The following AFF2 variants were observed in gnomAD, a reference collection of about 807,000 sequenced individuals.
AFF2 encodes AF4/FMR2 family member 2.
Under a neutral mutation model 76.9 loss-of-function variants are expected in AFF2, and 14 were observed. The ratio of observed to expected loss-of-function variants is 0.18; its 90% CI spans 0.12 to 0.28. The LOEUF is 0.28. Ranked by LOEUF, AFF2 falls within the 10% of genes least tolerant of loss-of-function variation. The pLI, the probability that AFF2 is intolerant of heterozygous loss-of-function variation, is 1.00. For missense variants in AFF2, 868 were observed against 1,001.1 expected, an observed-to-expected ratio of 0.87 and a Z score of 1.79; for synonymous variants, 398 against 366.7, an observed-to-expected ratio of 1.09 and a Z score of -0.98.
chrX:148,895,338 CACAG>C (rs2071271006), intron 8 of AFF2, among the ~76,000 whole-genome samples: 1 of 111,663 alleles, frequency 9.0e-6, no homozygotes, highest in Non-Finnish European at 1.9e-5. Flanking sequence ...ATTAAATTCA[CACAG>C]ACAATGAGGG....
At chrX:148,876,246 A>G (rs1039993506) in intron 7 of AFF2, among the ~76,000 whole-genome samples, 14 of 111,955 alleles carry the variant, frequency 1.3e-4, no homozygotes, top group African/African-American at 3.6e-4. Flanking sequence ...TAGCAATTCT[A>G]TAAGACACTC....
chrX:148,773,687 A>AAAGT (rs2069622219), intron 3 of AFF2, among the ~76,000 whole-genome samples: 1 of 55,695 alleles, frequency 1.8e-5, no homozygotes, highest in Non-Finnish European at 3.3e-5. Context: ...GGAAGGAAGG[A>AAAGT]AAGAAAGAAA....
At chrX:148,647,460 C>T (rs919914907) in intron 1 of AFF2, among the ~76,000 whole-genome samples, 1 of 111,837 alleles carries the variant, frequency 8.9e-6, no homozygotes, top group African/African-American at 3.3e-5. Context: ...TACTCTCCCT[C>T]GCCCAGCCTC....
intron 19 of AFF2, among the ~76,000 whole-genome samples, chrX:148,982,914 C>G (rs2072412761): frequency 8.9e-6 from 1 of 112,001 alleles, no homozygotes; most frequent in South Asian, 3.7e-4. Flanking sequence ...CAAATTTTCA[C>G]AAAATTTTTA....
chrX:148,924,645 G>C (rs1487966109), intron 9 of AFF2, among the ~76,000 whole-genome samples: 1 of 112,069 alleles, frequency 8.9e-6, no homozygotes, highest in African/African-American at 3.2e-5. Flanking sequence ...AGGGGCATTA[G>C]AGGTTAGGTG....
At chrX:148,985,934 A>G (rs1307022862) in intron 19 of AFF2, among the ~76,000 whole-genome samples, 1 of 110,522 alleles carries the variant, frequency 9.0e-6, no homozygotes, top group East Asian at 2.9e-4. Flanking sequence ...GTGAGTCTCA[A>G]GAGCATTGCA....
chrX:148,875,113 G>A (rs2071021452), intron 7 of AFF2, among the ~76,000 whole-genome samples: 1 of 111,906 alleles, frequency 8.9e-6, no homozygotes, highest in African/African-American at 3.2e-5. Context: ...GCAGCCAAGT[G>A]CATCAACATA....
At chrX:148,672,277 A>G (rs2054433347) in intron 3 of AFF2, among the ~76,000 whole-genome samples, 1 of 112,494 alleles carries the variant, frequency 8.9e-6, no homozygotes, top group African/African-American at 3.2e-5. Flanking sequence ...GGTGCCAATA[A>G]CATAAACCTG....
At chrX:148,909,853 A>G (rs1474739492) in intron 9 of AFF2, among the ~76,000 whole-genome samples, 1 of 112,795 alleles carries the variant, frequency 8.9e-6, no homozygotes, top group Non-Finnish European at 1.9e-5. Context: ...CCAAGATTTC[A>G]TTGTGACAGC....
intron 3 of AFF2, among the ~76,000 whole-genome samples, chrX:148,727,932 A>G (rs1341570795): frequency 8.9e-6 from 1 of 111,983 alleles, no homozygotes; most frequent in Non-Finnish European, 1.9e-5. Flanking sequence ...AAGATACTGT[A>G]TTTTGTATGT....
At chrX:148,784,849 A>C (rs937956648) in intron 3 of AFF2, among the ~76,000 whole-genome samples, 1 of 111,542 alleles carries the variant, frequency 9.0e-6, no homozygotes, top group East Asian at 2.9e-4. Context: ...TTACACATGC[A>C]GAAGCGGCTC....
At position 148,662,459 on chromosome X, in the gene AFF2, C is replaced by T. The variant is rs370542676; in HGVS notation, c.732C>T (p.Phe244=). The T allele has an allele frequency of 2.3e-5, 28 of 1,210,270 alleles. 1 individual carries two copies. In the South Asian group the frequency reaches 3.2e-4, roughly 14 times the overall value. ...FQSNSPEESE[F]AVQAPGSPLV... ...CCAATTCACCGGAAGAATCTGAATT[C>T]GCCGTGCAAGCGCCTGGGTCTCCCC... is the stretch of plus-strand genomic sequence containing the variant. Residue 244 remains phenylalanine, a synonymous_variant, in exon 3 of 21, where the codon TTC becomes TTT. Transcript: ENST00000370460.
chrX:148,560,148 A>G (rs1217258640), intron 1 of AFF2, among the ~76,000 whole-genome samples: 1 of 111,268 alleles, frequency 9.0e-6, no homozygotes, highest in Admixed American at 9.6e-5. Context: ...TTCAAACTAT[A>G]CTACAAGGCT....
In AFF2 at chrX:148,501,071, C is replaced by A. The variant is rs782180828; in HGVS notation, c.-27C>A. ...GACCCGCTGCGATCAGGGACAGGCG[C>A]CCGCCCGCCGCCGCCGCCTGGCCGC... On this transcript the variant is annotated 5_prime_UTR_variant, in exon 1 of 21. Transcript: ENST00000370460. 1.4e-5 allele frequency: 17 copies of A among 1,204,922 alleles called. No homozygotes were observed. In the Middle Eastern group the frequency reaches 9.3e-4, roughly 66 times the overall value.
intron 1 of AFF2, among the ~76,000 whole-genome samples, chrX:148,565,013 C>A (rs1318694210): frequency 2.7e-5 from 3 of 111,777 alleles, no homozygotes; most frequent in African/African-American, 9.8e-5. Flanking sequence ...TAAATGCAAG[C>A]TCTGACACAT....
rs1471018584 is a variant in AFF2, at chrX:148,767,015, G to A, written c.1042-42861G>A. 2.7e-5 allele frequency among the ~76,000 whole-genome samples: 3 copies of A among 111,185 alleles called. No individual in the cohort carries two copies. In the Admixed American group the frequency reaches 2.9e-4, roughly 11 times the overall value. ...GCTGGGGTAAAGGGCAAAGGAGAAA[G>A]TCATTTCATTTTAGGGACCACAGTA... On this transcript the variant is annotated intron_variant, in intron 3 of 20. Coordinates refer to ENST00000370460, the MANE Select transcript of AFF2 (RefSeq NM_002025.4).
intron 3 of AFF2, among the ~76,000 whole-genome samples, chrX:148,795,107 A>T (rs990378669): frequency 1.8e-5 from 2 of 112,336 alleles, no homozygotes; most frequent in Admixed American, 9.4e-5. Flanking sequence ...GGACTTTGTA[A>T]CCTGGCAAGG....
chrX:148,613,837 A>G (rs782675100), intron 1 of AFF2, among the ~76,000 whole-genome samples: 1 of 112,000 alleles, frequency 8.9e-6, no homozygotes, highest in East Asian at 2.8e-4. Flanking sequence ...GCCGAAGATA[A>G]AATCTTTATC....
chrX:148,627,325 C>T (rs147547615), intron 1 of AFF2, among the ~76,000 whole-genome samples: 3 of 111,997 alleles, frequency 2.7e-5, no homozygotes, highest in African/African-American at 9.7e-5. Flanking sequence ...GTAGAAGAAA[C>T]GTTTTTCGAG....
Sources: allele counts gnomAD v4.1 joint callset (sites outside exome capture counted in the v4.1 genomes callset), GRCh38; gene constraint gnomAD v4.1.1; transcripts MANE v1.5; gene names NCBI Gene and HGNC (gene_info 2026-07-23, HGNC 2026-07-21).